Variants in LINGO1 observed in about 807,000 individuals in gnomAD.
LINGO1 encodes the protein leucine rich repeat and Ig domain containing 1.
A neutral mutation model predicts 37.3 loss-of-function variants in LINGO1; 11 were observed. The ratio of observed to expected loss-of-function variants is 0.29; its 90% CI spans 0.19 to 0.49. The LOEUF is 0.49. Among genes scored for constraint, LINGO1 ranks in the 20% least tolerant of loss-of-function variants. The pLI is 0.99. For missense variants in LINGO1, 585 were observed against 878.2 expected (o/e 0.67, Z 4.22); for synonymous variants, 387 against 403.0 (o/e 0.96, Z 0.48).
chr15:77,765,297 C>T (rs2076516317), intron 1 of LINGO1, among the ~76,000 whole-genome samples: 1 of 152,082 alleles, frequency 6.6e-6, no homozygotes, highest in Non-Finnish European at 1.5e-5. Context: ...CACTTGTAAT[C>T]CCAGTTACTC....
chr15:77,720,283 T>C (rs902304060), intron 2 of LINGO1, among the ~76,000 whole-genome samples: 3 of 152,244 alleles, frequency 2.0e-5, no homozygotes, highest in Non-Finnish European at 4.4e-5. Context: ...AAACGGCGTT[T>C]TTATTCTGCA....
intron 1 of LINGO1, among the ~76,000 whole-genome samples, chr15:77,695,672 C>A (rs1413670769): frequency 6.6e-6 from 1 of 152,160 alleles, no homozygotes; most frequent in African/African-American, 2.4e-5. Context: ...TGGCCCTGGG[C>A]AAGGCCATCT....
chr15:77,787,135 C>T (rs1463458953), upstream of LINGO1: 5 of 152,226 alleles, frequency 3.3e-5, no homozygotes, highest in African/African-American at 1.2e-4. Flanking sequence ...ACACACCCAA[C>T]AAACAGCAAC....
intron 1 of LINGO1, among the ~76,000 whole-genome samples, chr15:77,771,366 T>C (rs2076583395): frequency 6.6e-6 from 1 of 152,164 alleles, no homozygotes; most frequent in Admixed American, 6.5e-5. Context: ...TCCCCAGTGA[T>C]AAGGGCCAGG....
intron 1 of LINGO1, among the ~76,000 whole-genome samples, chr15:77,736,654 G>A (rs1013471825): frequency 6.6e-6 from 1 of 152,030 alleles, no homozygotes; most frequent in Non-Finnish European, 1.5e-5. Context: ...TGCACCTGTG[G>A]TCCTAGTTAC....
chr15:77,794,147 C>A (rs1467793080), intron 2 of LINGO1, among the ~76,000 whole-genome samples: 1 of 152,058 alleles, frequency 6.6e-6, no homozygotes, highest in South Asian at 2.1e-4. Context: ...GCCCTTGTCA[C>A]CCCAGTTGCT....
chr15:77,695,882 CTTT>C (rs35851585), intron 1 of LINGO1: 39 of 138,436 alleles, frequency 2.8e-4, no homozygotes, highest in South Asian at 1.2e-3. Flanking sequence ...AGAAAAATAT[CTTT>C]TTTTTTTTTT....
Position 77,719,887 on chromosome 15 carries a change from T to TACAC in LINGO1, c.-195+15101_-195+15104dup, listed in dbSNP as rs34870352. ...ACACATGTGCATGCATACACACACA[T>TACAC]ACACACACACACACAACTATGAGAC... On this transcript the variant is annotated intron_variant, in intron 2 of 3. Transcript: ENST00000561686. Among the ~76,000 whole-genome samples, 300 of 147,980 alleles carry TACAC rather than the reference T, an allele frequency of 2.0e-3. 20 individuals carry two copies. Among genetic ancestry groups the TACAC allele is most frequent in the Admixed American group, 4.2e-3 (62 of 14,738 alleles).
At chr15:77,673,089 C>T (rs2075277452) in intron 3 of LINGO1, among the ~76,000 whole-genome samples, 2 of 152,134 alleles carry the variant, frequency 1.3e-5, no homozygotes. Context: ...CACTTAGATC[C>T]CTACCTCAAA....
At chr15:77,664,419 G>C (rs1052275111) in intron 3 of LINGO1, among the ~76,000 whole-genome samples, 5 of 152,016 alleles carry the variant, frequency 3.3e-5, no homozygotes, top group African/African-American at 1.2e-4. Flanking sequence ...TGGATGGTTG[G>C]GGGGTCATGG....
intron 2 of LINGO1, among the ~76,000 whole-genome samples, chr15:77,728,271 G>C (rs890900210): frequency 6.6e-6 from 1 of 152,264 alleles, no homozygotes; most frequent in Admixed American, 6.5e-5. Context: ...ACCCTGCGAA[G>C]AGCCCACTCA....
intron 2 of LINGO1, among the ~76,000 whole-genome samples, chr15:77,681,488 G>A (rs1317647583): frequency 1.3e-5 from 2 of 152,134 alleles, no homozygotes; most frequent in Non-Finnish European, 2.9e-5. Flanking sequence ...TCGACTCTAT[G>A]GTCTAATTCA....
At chr15:77,698,590 G>C (rs934800918), upstream of LINGO1, among the ~76,000 whole-genome samples, 2 of 152,204 alleles carry the variant, frequency 1.3e-5, no homozygotes, top group Non-Finnish European at 1.5e-5. Flanking sequence ...CCGGGGCAGG[G>C]ATGAGCCTCA....
intron 1 of LINGO1, among the ~76,000 whole-genome samples, chr15:77,766,882 A>AT (rs994882138): frequency 9.2e-5 from 14 of 152,208 alleles, no homozygotes; most frequent in African/African-American, 2.2e-4. Flanking sequence ...ATAAAGCAGA[A>AT]TTTTTAAAAA....
chr15:77,816,869 G>A (rs992532477), intron 1 of LINGO1, among the ~76,000 whole-genome samples: 7 of 152,290 alleles, frequency 4.6e-5, no homozygotes, highest in South Asian at 2.1e-4. Flanking sequence ...CAAGCTAGGC[G>A]TCTTGCCATG....
chr15:77,618,151 C>T (rs531052310), intron 1 of LINGO1, among the ~76,000 whole-genome samples: 12 of 152,210 alleles, frequency 7.9e-5, no homozygotes, highest in Admixed American at 4.6e-4. Flanking sequence ...GCATCCAGCT[C>T]AGGGCCAGGC....
intron 1 of LINGO1, among the ~76,000 whole-genome samples, chr15:77,818,462 G>A (rs1295220584): frequency 1.3e-5 from 2 of 152,204 alleles, no homozygotes; most frequent in Non-Finnish European, 1.5e-5. Flanking sequence ...AGTGAGGCAC[G>A]CGGGGGCATG....
chr15:77,798,478 TC>T lies in LINGO1; in HGVS notation c.-457-2426del, dbSNP rs1278642742. On this transcript the variant is annotated intron_variant, in intron 1 of 5. Transcript: ENST00000562933. The stretch of plus-strand genomic sequence containing the variant: ...ACAATGAATGGGCCTCCCGCTCCCT[TC>T]CCCCCAAACCTTCCAAAGCTTCCTA... Among the ~76,000 whole-genome samples, 12 of 152,166 alleles carry T rather than the reference TC, an allele frequency of 7.9e-5. No individual in the cohort carries two copies. In the South Asian group the frequency reaches 2.5e-3, roughly 32 times the overall value.
At position 77,632,040 on chromosome 15, in the gene LINGO1, C is replaced by A. The variant is rs2074270015; in HGVS notation, c.6+270G>T. Among the ~76,000 whole-genome samples, 1 of 152,218 alleles carries A rather than the reference C, an allele frequency of 6.6e-6. No homozygotes were observed. The highest frequency in any genetic ancestry group is 2.4e-5 in the African/African-American group (1 of 41,454). On this transcript the variant is annotated intron_variant, in intron 1 of 1. Transcript: ENST00000355300. This position sits in a 1 kb window ranked among gnomAD's most constrained non-coding sequence, Gnocchi z 6.0. ...ACAGGAAGGGGAGACCAGAGCAGGT[C>A]TGGGACACCCGTGGGGGCCCCTCCC...
Sources: allele counts gnomAD v4.1 joint callset (sites outside exome capture counted in the v4.1 genomes callset), GRCh38; gene constraint gnomAD v4.1.1; non-coding constraint Gnocchi (gnomAD v3.1); transcripts MANE v1.5; gene names NCBI Gene and HGNC (gene_info 2026-07-23, HGNC 2026-07-21).